The following SPRED2 variants were observed in gnomAD, a reference collection of about 807,000 sequenced individuals.
The protein encoded by SPRED2 is sprouty related EVH1 domain containing 2, also known as sprouty-related, EVH1 domain-containing protein 2.
A neutral mutation model predicts 43.0 loss-of-function variants in SPRED2; 47 were observed. The ratio of observed to expected loss-of-function variants is 1.09; its 90% CI spans 0.87 to 1.40. SPRED2 has a LOEUF of 1.40. Among genes scored for constraint, SPRED2 ranks in the 40% most tolerant of loss-of-function variants. SPRED2 has a pLI of 0.00. For missense variants in SPRED2, 561 were observed against 586.4 expected, an observed-to-expected ratio of 0.96 and a Z score of 0.45; for synonymous variants, 225 against 225.7, an observed-to-expected ratio of 1.00 and a Z score of 0.03.
chr2:65,365,897 C>A (rs1191824496), intron 1 of SPRED2, among the ~76,000 whole-genome samples: 1 of 151,944 alleles, frequency 6.6e-6, no homozygotes, highest in Non-Finnish European at 1.5e-5. Context: ...ACACAGCCTC[C>A]CAATTATGCA....
chr2:65,309,967 C>G (rs1673026180), downstream of SPRED2, among the ~76,000 whole-genome samples: 1 of 152,184 alleles, frequency 6.6e-6, no homozygotes. Context: ...TCCTTGCCTC[C>G]TGGGACCGCA....
At chr2:65,407,804 T>C (rs138182714) in intron 1 of SPRED2, among the ~76,000 whole-genome samples, 124 of 152,248 alleles carry the variant, frequency 8.1e-4, no homozygotes, top group African/African-American at 2.6e-3. Flanking sequence ...GGAGGACAGT[T>C]CTCTCTTCCA....
Position 65,427,430 on chromosome 2 carries a change from A to ACTCATG in SPRED2, c.26+4531_26+4532insCATGAG, listed in dbSNP as rs1676582925. On this transcript the variant is annotated intron_variant, in intron 1 of 5. Coordinates refer to ENST00000356388, the MANE Select transcript of SPRED2 (RefSeq NM_181784.3). ...ACATTTAAGGGTTCTACTCATGTAT[A>ACTCATG]GTAGAACCATACCCCCTGGTAGAAA... Among the ~76,000 whole-genome samples, 20 of 152,316 alleles carry ACTCATG rather than the reference A, an allele frequency of 1.3e-4. No homozygotes were observed. The South Asian group carries it at 4.1e-3, about 32-fold the overall frequency.
chr2:65,344,894 T>TCACTAAAA lies in SPRED2; in HGVS notation c.27-6_28dup (p.Asp10ValfsTer15). The stretch of plus-strand genomic sequence containing the variant: ...AGCCTTGACACGCACAATATAGCTG[T>TCACTAAAA]CACTAAAACGACAAGAAGAAGAAGC... On this transcript the variant is annotated frameshift_variant and splice_region_variant, in exon 2 of 6. Coordinates refer to ENST00000356388, the MANE Select transcript of SPRED2 (RefSeq NM_181784.3). LOFTEE classifies it high-confidence loss of function. 1 of 1,610,876 alleles carries TCACTAAAA rather than the reference T, an allele frequency of 6.2e-7. No individual in the cohort carries two copies. The highest frequency in any genetic ancestry group is 8.5e-7 in the Non-Finnish European group (1 of 1,177,732).
intron 2 of SPRED2, chr2:65,344,476 A>C (rs1224746301): frequency 4.8e-6 from 3 of 629,340 alleles, no homozygotes; most frequent in Non-Finnish European, 8.8e-6. Flanking sequence ...GATGCAAATA[A>C]AACAGCCAAA....
chr2:65,313,269 T>TGTGC lies in SPRED2; in HGVS notation c.*228_*231dup. On this transcript the variant is annotated 3_prime_UTR_variant, in exon 6 of 6. Coordinates refer to ENST00000356388, the MANE Select transcript of SPRED2 (RefSeq NM_181784.3). ...GGCGAAGGTTCCTTCCTCAGAACAC[T>TGTGC]GTGCGAGCGTGTGTGTATGGATGTG... 1 of 1,353,206 alleles carries TGTGC rather than the reference T, an allele frequency of 7.4e-7. No individual in the cohort carries two copies. Among genetic ancestry groups the TGTGC allele is most frequent in the Non-Finnish European group, 9.5e-7 (1 of 1,057,338 alleles). The allele number at this position is 1,353,206 out of a possible 1,614,324, so 83.8% of individuals were successfully genotyped here. A position where few individuals can be genotyped will look rare whatever the true frequency, so the allele number is the denominator to read the frequency against.
intron 1 of SPRED2, among the ~76,000 whole-genome samples, chr2:65,397,663 T>G (rs1308088849): frequency 6.6e-6 from 1 of 150,478 alleles, no homozygotes; most frequent in Non-Finnish European, 1.5e-5. Flanking sequence ...ATATGTATAA[T>G]CCACAGACCC....
At chr2:65,345,141 T>C (rs888022329) in intron 1 of SPRED2, among the ~76,000 whole-genome samples, 7 of 152,086 alleles carry the variant, frequency 4.6e-5, no homozygotes, top group South Asian at 2.1e-4. Flanking sequence ...GATCGAAAGA[T>C]GTATACAGGC....
chr2:65,355,821 C>T (rs1052235404), intron 1 of SPRED2, among the ~76,000 whole-genome samples: 6 of 152,108 alleles, frequency 3.9e-5, no homozygotes, highest in African/African-American at 9.7e-5. Flanking sequence ...TAACCCATCC[C>T]GAAGAAACGT....
At chr2:65,319,499 G>A (rs139892220) in intron 4 of SPRED2, among the ~76,000 whole-genome samples, 11 of 152,270 alleles carry the variant, frequency 7.2e-5, no homozygotes, top group African/African-American at 2.6e-4. Context: ...CTGACCACTC[G>A]AGGATGTCCC....
chr2:65,353,544 T>C (rs992793331), intron 1 of SPRED2, among the ~76,000 whole-genome samples: 1 of 152,210 alleles, frequency 6.6e-6, no homozygotes, highest in East Asian at 1.9e-4. Context: ...TCTAGTATTT[T>C]AGTTTTCCTA....
At chr2:65,330,523 A>G (rs986269757) in intron 4 of SPRED2, among the ~76,000 whole-genome samples, 26 of 152,184 alleles carry the variant, frequency 1.7e-4, no homozygotes, top group Admixed American at 6.5e-5. Flanking sequence ...CCGAGTGGAA[A>G]GTAGAGATTT....
chr2:65,385,527 A>G (rs1260057758), intron 1 of SPRED2, among the ~76,000 whole-genome samples: 2 of 152,186 alleles, frequency 1.3e-5, no homozygotes, highest in East Asian at 3.9e-4. Context: ...AGTGGAGGGG[A>G]GGCGTGGCAG....
intron 1 of SPRED2, among the ~76,000 whole-genome samples, chr2:65,398,142 A>T (rs1359859299): frequency 6.6e-6 from 1 of 152,230 alleles, no homozygotes; most frequent in Non-Finnish European, 1.5e-5. Flanking sequence ...GCAGAAAAAG[A>T]ACACCCTATT....
At position 65,312,860 on chromosome 2, in the gene SPRED2, G is replaced by A. The variant is rs1029090892; in HGVS notation, c.*641C>T. ...TTTGGGGGGGCAGAAAATGATGATG[G>A]GCTAAAGATAGAAACTGCAGCTTAC... On this transcript the variant is annotated 3_prime_UTR_variant, in exon 6 of 6. Transcript: ENST00000356388. 1 of 985,676 alleles carries A rather than the reference G, an allele frequency of 1.0e-6. No homozygotes were observed. The highest frequency in any genetic ancestry group is 1.2e-6 in the Non-Finnish European group (1 of 829,940). 61.1% of individuals were successfully genotyped at this position (985,676 alleles called of 1,614,324 possible).
At chr2:65,429,729 A>G (rs1283934906) in intron 1 of SPRED2, among the ~76,000 whole-genome samples, 1 of 152,202 alleles carries the variant, frequency 6.6e-6, no homozygotes, top group East Asian at 1.9e-4. Context: ...CATCACATTA[A>G]AAATAACCCC....
intron 2 of SPRED2, among the ~76,000 whole-genome samples, chr2:65,342,639 C>T (rs1674228722): frequency 6.6e-6 from 1 of 152,022 alleles, no homozygotes; most frequent in Non-Finnish European, 1.5e-5. Context: ...TAGGTGTATT[C>T]CTAACACTGA....
At chr2:65,339,359 C>A (rs997462308) in intron 2 of SPRED2, among the ~76,000 whole-genome samples, 9 of 151,938 alleles carry the variant, frequency 5.9e-5, no homozygotes, top group Non-Finnish European at 1.2e-4. Flanking sequence ...ACATGGGCGA[C>A]TTTTCATTTT....
chr2:65,402,098 C>T (rs1285051583), intron 1 of SPRED2, among the ~76,000 whole-genome samples: 2 of 151,182 alleles, frequency 1.3e-5, no homozygotes, highest in Non-Finnish European at 3.0e-5. Flanking sequence ...GGCAACATGG[C>T]AAAACCCCAT....
Sources: allele counts gnomAD v4.1 joint callset (sites outside exome capture counted in the v4.1 genomes callset), GRCh38; gene constraint gnomAD v4.1.1; transcripts MANE v1.5; gene names NCBI Gene and HGNC (gene_info 2026-07-23, HGNC 2026-07-21).